Variants in GRB10 observed in about 807,000 individuals in gnomAD.
The protein encoded by GRB10 is growth factor receptor-bound protein 10.
A neutral mutation model predicts 80.9 loss-of-function variants in GRB10; 20 were observed. The observed-to-expected ratio is 0.25, with a 90% CI of 0.17 to 0.36. The LOEUF (loss-of-function observed/expected upper bound fraction) is 0.36, where lower values mean the gene tolerates loss of function less well. GRB10 is among the 10% of genes least tolerant of loss of function. GRB10 has a pLI of 1.00. For synonymous variants in GRB10, 291 were observed against 291.5 expected (o/e 1.00, Z 0.02); for missense variants, 548 against 747.7 (o/e 0.73, Z 3.12).
At chr7:50,700,053 G>A (rs1563499123) in intron 5 of GRB10, among the ~76,000 whole-genome samples, 1 of 151,884 alleles carries the variant, frequency 6.6e-6, no homozygotes, top group Non-Finnish European at 1.5e-5. Flanking sequence ...GCAGGAGAAT[G>A]GCACGAACCC....
chr7:50,711,555 T>A (rs1474762488), intron 4 of GRB10, among the ~76,000 whole-genome samples: 3 of 152,160 alleles, frequency 2.0e-5, no homozygotes, highest in Non-Finnish European at 4.4e-5. Context: ...AAACCGCAAG[T>A]CTATTAAGCT....
intron 1 of GRB10, chr7:50,792,500 A>T (rs1334610273): frequency 2.5e-6 from 1 of 398,474 alleles, no homozygotes; most frequent in Non-Finnish European, 4.4e-6. Flanking sequence ...TTGGAGAGGC[A>T]ATCAGCAAAG....
chr7:50,639,564 T>C (rs926554697), intron 7 of GRB10, among the ~76,000 whole-genome samples: 1 of 152,052 alleles, frequency 6.6e-6, no homozygotes, highest in Non-Finnish European at 1.5e-5. Flanking sequence ...TCCCAGCTAC[T>C]TGGGAGGCTG....
At chr7:50,634,311 G>A (rs535085952) in intron 7 of GRB10, among the ~76,000 whole-genome samples, 1 of 152,250 alleles carries the variant, frequency 6.6e-6, no homozygotes, top group South Asian at 2.1e-4. Flanking sequence ...AAATGAAGGA[G>A]AAATAAAGCC....
chr7:50,743,719 C>T (rs1004896363), intron 3 of GRB10, among the ~76,000 whole-genome samples: 5 of 152,158 alleles, frequency 3.3e-5, no homozygotes, highest in African/African-American at 9.7e-5. Flanking sequence ...CAGGAGAGGC[C>T]GACACCAGAA....
intron 7 of GRB10, among the ~76,000 whole-genome samples, chr7:50,633,295 T>C (rs908492397): frequency 6.6e-6 from 1 of 152,132 alleles, no homozygotes; most frequent in Non-Finnish European, 1.5e-5. Flanking sequence ...ACACTAAAGC[T>C]ATCTATAACC....
intron 2 of GRB10, among the ~76,000 whole-genome samples, chr7:50,766,886 A>T (rs2074721): frequency 0.63 from 95,891 of 152,076 alleles, 32,591 homozygotes; most frequent in Middle Eastern, 0.87. Context: ...TATAAACATG[A>T]ATAAGGAAAA....
At chr7:50,742,949 C>T (rs1031480404) in intron 3 of GRB10, among the ~76,000 whole-genome samples, 1 of 152,142 alleles carries the variant, frequency 6.6e-6, no homozygotes, top group African/African-American at 2.4e-5. Flanking sequence ...AAAAACTATA[C>T]TCGGTTCCTC....
chr7:50,643,056 G>A (rs1466249406), intron 7 of GRB10, among the ~76,000 whole-genome samples: 1 of 152,094 alleles, frequency 6.6e-6, no homozygotes, highest in African/African-American at 2.4e-5. Flanking sequence ...ACACAGGTTT[G>A]AACCATTCGG....
intron 13 of GRB10, among the ~76,000 whole-genome samples, chr7:50,608,467 AAT>A (rs1046274867): frequency 7.9e-5 from 12 of 152,226 alleles, no homozygotes; most frequent in Admixed American, 5.9e-4. Flanking sequence ...CAGAGAGAAG[AAT>A]GCAAATTTAG....
intron 5 of GRB10, among the ~76,000 whole-genome samples, chr7:50,689,881 G>T (rs1002921542): frequency 6.6e-6 from 1 of 151,636 alleles, no homozygotes; most frequent in African/African-American, 2.4e-5. Flanking sequence ...TTCCTTTGGG[G>T]ATAGAGTTTA....
At chr7:50,662,947 C>G (rs771942809) in intron 7 of GRB10, among the ~76,000 whole-genome samples, 1 of 152,226 alleles carries the variant, frequency 6.6e-6, no homozygotes, top group Non-Finnish European at 1.5e-5. Flanking sequence ...AGGGAATCTA[C>G]TTCAACCTTT....
chr7:50,780,192 G>C (rs910107866), intron 2 of GRB10, among the ~76,000 whole-genome samples: 6 of 152,196 alleles, frequency 3.9e-5, no homozygotes, highest in Non-Finnish European at 8.8e-5. Context: ...TTTGGGATGG[G>C]TTAGGACTTT....
At chr7:50,594,325 T>G (rs1196529886) in intron 18 of GRB10, among the ~76,000 whole-genome samples, 1 of 152,186 alleles carries the variant, frequency 6.6e-6, no homozygotes, top group Non-Finnish European at 1.5e-5. Context: ...CGTGGCACAC[T>G]GCCTTCCCCT....
rs201754700 is a variant in GRB10, at chr7:50,605,410, A to G, written c.1273-4T>C. On this transcript the variant is annotated splice_region_variant and splice_polypyrimidine_tract_variant and intron_variant, in intron 14 of 18. Transcript: ENST00000401949. ...GGGAGTTCTCGGAGACACTGCGCTG[A>G]AAAGGAAAGGCCGCAGTTCTTAAAA... is the stretch of plus-strand genomic sequence containing the variant. 6.2e-7 allele frequency: 1 copy of G among 1,609,358 alleles called. No individual in the cohort carries two copies. The highest frequency in any genetic ancestry group is 8.5e-7 in the Non-Finnish European group (1 of 1,175,574).
In GRB10 at chr7:50,590,759, C is replaced by T. The variant is rs912622111; in HGVS notation, c.*2193G>A. ...AGCTGGGGCCTTAGGAAGTCTGCCG[C>T]CACGTGGAGGCGGTTTACATTCTCC... On this transcript the variant is annotated 3_prime_UTR_variant, in exon 19 of 19. Transcript: ENST00000401949. The T allele has an allele frequency of 1.3e-5, 2 of 152,580 alleles. No individual in the cohort carries two copies. Among genetic ancestry groups the T allele is most frequent in the African/African-American group, 4.8e-5 (2 of 41,462 alleles). The allele number at this position is 152,580 out of a possible 1,614,324, so 9.5% of individuals were successfully genotyped here. A position where few individuals can be genotyped will look rare whatever the true frequency, so the allele number is the denominator to read the frequency against.
intron 4 of GRB10, among the ~76,000 whole-genome samples, chr7:50,731,550 G>A (rs1281090668): frequency 6.6e-6 from 1 of 152,170 alleles, no homozygotes; most frequent in East Asian, 1.9e-4. Flanking sequence ...TCACGAGTAA[G>A]GATGAACCAG....
intron 1 of GRB10, among the ~76,000 whole-genome samples, chr7:50,792,009 G>A (rs1455261129): frequency 6.6e-6 from 1 of 152,176 alleles, no homozygotes; most frequent in Non-Finnish European, 1.5e-5. Flanking sequence ...CCAGCATTGT[G>A]TTGTAAACCC....
chr7:50,595,378 A>G, intron 18 of GRB10, 59 bp downstream of exon 18: 1 of 924,654 alleles, frequency 1.1e-6, no homozygotes, highest in East Asian at 2.4e-5. Flanking sequence ...TGAAAATTGC[A>G]TTAAGAATGA....
Sources: allele counts gnomAD v4.1 joint callset (sites outside exome capture counted in the v4.1 genomes callset), GRCh38; gene constraint gnomAD v4.1.1; transcripts MANE v1.5; gene names NCBI Gene and HGNC (gene_info 2026-07-23, HGNC 2026-07-21).